GULP1: variants seen among roughly 807,000 people sequenced by gnomAD.
The protein encoded by GULP1 is GULP PTB domain containing engulfment adaptor 1.
Under a neutral mutation model 40.9 loss-of-function variants are expected in GULP1, and 19 were observed. The ratio of observed to expected loss-of-function variants is 0.46; its 90% CI spans 0.32 to 0.68. GULP1 has a LOEUF of 0.68. GULP1 is among the 30% of genes least tolerant of loss of function. GULP1 has a pLI of 0.03. For synonymous variants in GULP1, 119 were observed against 117.6 expected (o/e 1.01, Z -0.08); for missense variants, 312 against 362.2 (o/e 0.86, Z 1.12).
At chr2:188,350,545 C>T (rs2044311647) in intron 1 of GULP1, among the ~76,000 whole-genome samples, 1 of 151,820 alleles carries the variant, frequency 6.6e-6, no homozygotes, top group Non-Finnish European at 1.5e-5. Flanking sequence ...TTACTGAACT[C>T]GTTTATTAGT....
At chr2:188,413,628 G>A (rs1467080983) in intron 2 of GULP1, among the ~76,000 whole-genome samples, 1 of 151,932 alleles carries the variant, frequency 6.6e-6, no homozygotes, top group African/African-American at 2.4e-5. Context: ...TTTTTCCTCC[G>A]AATATCAGTC....
intron 1 of GULP1, among the ~76,000 whole-genome samples, chr2:188,360,472 A>G (rs969485409): frequency 1.3e-5 from 2 of 151,850 alleles, no homozygotes; most frequent in Admixed American, 6.6e-5. Context: ...TTTTTCTGGC[A>G]TCAAATCTTG....
intron 4 of GULP1, among the ~76,000 whole-genome samples, chr2:188,511,113 T>C (rs11902664): frequency 0.89 from 135,101 of 152,158 alleles, 61,266 homozygotes; most frequent in South Asian, 0.98. Context: ...AGCGAGGCTA[T>C]GAAAGGCAGA....
At chr2:188,441,282 T>C (rs4667227) in intron 2 of GULP1, among the ~76,000 whole-genome samples, 43,346 of 152,078 alleles carry the variant, frequency 0.29, 7,595 homozygotes, top group African/African-American at 0.5. Flanking sequence ...AAACTATATA[T>C]CTGGCTTTCT....
chr2:188,484,046 C>T (rs776773276), intron 4 of GULP1, among the ~76,000 whole-genome samples: 1 of 152,030 alleles, frequency 6.6e-6, no homozygotes, highest in Non-Finnish European at 1.5e-5. Context: ...ACTTCAGCCT[C>T]TGGAGTAGCT....
rs377719080 is a variant in GULP1 at position 188,489,510 on chromosome 2, G to T, written c.90+6018G>T. On this transcript the variant is annotated intron_variant, in intron 4 of 11. Coordinates refer to ENST00000409830, the MANE Select transcript of GULP1 (RefSeq NM_016315.4). ...AACATTTTATTAGATTTTAGAACTGGTCTTTAATAATGCTAATATATATCA... is the reference window on the plus strand; with the variant it reads ...AACATTTTATTAGATTTTAGAACTGTTCTTTAATAATGCTAATATATATCA... Among the ~76,000 whole-genome samples, 22 of 151,934 alleles carry T rather than the reference G, an allele frequency of 1.4e-4. 1 individual carries two copies. Among genetic ancestry groups the T allele is most frequent in the East Asian group, 9.7e-4 (5 of 5,142 alleles).
intron 9 of GULP1, among the ~76,000 whole-genome samples, chr2:188,578,180 C>A (rs1700539377): frequency 6.6e-6 from 1 of 151,928 alleles, no homozygotes; most frequent in Non-Finnish European, 1.5e-5. Flanking sequence ...GCTAATATTT[C>A]TGTAGATATT....
intron 1 of GULP1, among the ~76,000 whole-genome samples, chr2:188,340,700 C>A (rs1167907775): frequency 6.6e-6 from 1 of 152,206 alleles, no homozygotes; most frequent in African/African-American, 2.4e-5. Context: ...GCATCAGCAC[C>A]CGTCACACCC....
chr2:188,301,413 C>T (rs1466103368), intron 1 of GULP1, among the ~76,000 whole-genome samples: 5 of 152,132 alleles, frequency 3.3e-5, no homozygotes, highest in African/African-American at 1.2e-4. Context: ...CTTGCATTTC[C>T]ATTTGTAAGA....
chr2:188,297,470 A>G (rs780432938), intron 1 of GULP1: 1 of 474,676 alleles, frequency 2.1e-6, no homozygotes, highest in Admixed American at 2.3e-5. Context: ...ATTAGGTGTT[A>G]CAGTTGATCC....
At chr2:188,402,044 C>T (rs571734897) in intron 2 of GULP1, among the ~76,000 whole-genome samples, 1 of 152,206 alleles carries the variant, frequency 6.6e-6, no homozygotes, top group East Asian at 1.9e-4. Context: ...CTTCTTTTCT[C>T]TCCCTTCCCC....
chr2:188,429,684 A>G (rs887124590), intron 2 of GULP1, among the ~76,000 whole-genome samples: 1 of 151,998 alleles, frequency 6.6e-6, no homozygotes, highest in Admixed American at 6.6e-5. Context: ...TAGAGCAGGT[A>G]GGACTGGAGG....
chr2:188,380,401 C>CA (rs1202462718), intron 1 of GULP1, among the ~76,000 whole-genome samples: 3 of 152,034 alleles, frequency 2.0e-5, no homozygotes, highest in Non-Finnish European at 4.4e-5. Flanking sequence ...GGAGGGAAAA[C>CA]AAACTGGAGA....
chr2:188,552,649 G>A (rs1251353738), intron 7 of GULP1, among the ~76,000 whole-genome samples: 1 of 151,376 alleles, frequency 6.6e-6, no homozygotes, highest in African/African-American at 2.4e-5. Flanking sequence ...CTTATTCTGT[G>A]ATGAATGATG....
chr2:188,299,673 A>G lies in GULP1; in HGVS notation c.-172+7507A>G, dbSNP rs117647711. On this transcript the variant is annotated intron_variant, in intron 1 of 11. Transcript: ENST00000409830. ...AGGTGACAGAGACCTCCTCTTATTA[A>G]CTTAAATAGAAGTTGGTATTTCTAT... is the stretch of plus-strand genomic sequence containing the variant. Among the ~76,000 whole-genome samples the G allele has an allele frequency of 3.7e-4, 56 of 152,344 alleles. No homozygotes were observed. The East Asian group carries it at 0.01, about 28-fold the overall frequency.
chr2:188,302,122 A>G (rs1230243669), intron 1 of GULP1, among the ~76,000 whole-genome samples: 1 of 152,168 alleles, frequency 6.6e-6, no homozygotes, highest in Non-Finnish European at 1.5e-5. Flanking sequence ...TTTACAGACT[A>G]CTTGGGTTTT....
At chr2:188,332,562 T>A (rs537426845) in intron 1 of GULP1, among the ~76,000 whole-genome samples, 6 of 152,130 alleles carry the variant, frequency 3.9e-5, no homozygotes, top group Non-Finnish European at 7.4e-5. Flanking sequence ...AAAACCTGTG[T>A]ACCTAATTCC....
At chr2:188,526,520 G>A (rs911402613) in intron 5 of GULP1, among the ~76,000 whole-genome samples, 2 of 152,060 alleles carry the variant, frequency 1.3e-5, no homozygotes, top group Non-Finnish European at 2.9e-5. Context: ...ATATTAGGAA[G>A]GCAAGAGGTC....
intron 4 of GULP1, among the ~76,000 whole-genome samples, chr2:188,493,865 G>A (rs1337373397): frequency 6.6e-6 from 1 of 152,066 alleles, no homozygotes; most frequent in African/African-American, 2.4e-5. Flanking sequence ...GGTTGCGTCA[G>A]TTCTCAGACT....
Sources: allele counts gnomAD v4.1 joint callset (sites outside exome capture counted in the v4.1 genomes callset), GRCh38; gene constraint gnomAD v4.1.1; transcripts MANE v1.5; gene names NCBI Gene and HGNC (gene_info 2026-07-23, HGNC 2026-07-21).